Variants in CHRM3 observed in about 807,000 individuals in gnomAD.
CHRM3 encodes muscarinic acetylcholine receptor M3.
CHRM3 carries 11 observed loss-of-function variants against 41.8 expected under a neutral mutation model. That is an observed-to-expected ratio of 0.26 (90% confidence interval 0.17 to 0.44). CHRM3 has a LOEUF of 0.44. Ranked by LOEUF, CHRM3 falls within the 20% of genes least tolerant of loss-of-function variation. CHRM3 has a pLI of 1.00. For synonymous variants in CHRM3, 297 were observed against 301.4 expected (o/e 0.99, Z 0.15); for missense variants, 571 against 745.4 (o/e 0.77, Z 2.72).
intron 4 of CHRM3, among the ~76,000 whole-genome samples, chr1:239,673,657 CT>C (rs537700962): frequency 1.3e-5 from 2 of 151,864 alleles, no homozygotes; most frequent in East Asian, 1.9e-4. Context: ...CAACTAATTT[CT>C]TTTTTTTCTG....
chr1:239,397,196 C>T (rs1226641760), intron 1 of CHRM3, among the ~76,000 whole-genome samples: 1 of 152,106 alleles, frequency 6.6e-6, no homozygotes, highest in African/African-American at 2.4e-5. Context: ...TATTTGATGA[C>T]GTGAACTCTC....
intron 4 of CHRM3, among the ~76,000 whole-genome samples, chr1:239,641,918 C>T (rs1234766379): frequency 1.6e-5 from 2 of 127,406 alleles, no homozygotes; most frequent in African/African-American, 6.3e-5. Context: ...TGTTCCTTTC[C>T]GTGTTTAGTG....
intron 3 of CHRM3, among the ~76,000 whole-genome samples, chr1:239,598,596 C>T (rs555196557): frequency 1.5e-4 from 23 of 152,132 alleles, no homozygotes; most frequent in South Asian, 8.3e-4. Flanking sequence ...GGTTTGAAAA[C>T]GAGTCCCAGA....
At chr1:239,640,311 T>C (rs747888749) in intron 4 of CHRM3, among the ~76,000 whole-genome samples, 1 of 152,210 alleles carries the variant, frequency 6.6e-6, no homozygotes, top group Non-Finnish European at 1.5e-5. Flanking sequence ...TCTCTTTTTC[T>C]ATTGATTGGA....
At chr1:239,778,368 T>A (rs1272256978) in intron 5 of CHRM3, among the ~76,000 whole-genome samples, 1 of 152,190 alleles carries the variant, frequency 6.6e-6, no homozygotes, top group African/African-American at 2.4e-5. Context: ...ATTACTGTTA[T>A]ACGTCTTAAA....
intron 1 of CHRM3, among the ~76,000 whole-genome samples, chr1:239,464,174 G>A (rs1045809247): frequency 6.6e-6 from 1 of 151,736 alleles, no homozygotes; most frequent in African/African-American, 2.4e-5. Context: ...CAGCTACTTG[G>A]GAGGCTGAGG....
At chr1:239,435,860 A>G (rs1663221432) in intron 1 of CHRM3, among the ~76,000 whole-genome samples, 1 of 152,150 alleles carries the variant, frequency 6.6e-6, no homozygotes. Flanking sequence ...AGGCAATGTT[A>G]GGAGGATCAC....
At chr1:239,445,828 G>T (rs1397807771) in intron 1 of CHRM3, among the ~76,000 whole-genome samples, 1 of 152,140 alleles carries the variant, frequency 6.6e-6, no homozygotes, top group African/African-American at 2.4e-5. Context: ...AAAAGACATA[G>T]AATTTGCCAT....
At chr1:239,549,602 A>C (rs528871004) in intron 3 of CHRM3, among the ~76,000 whole-genome samples, 1 of 151,174 alleles carries the variant, frequency 6.6e-6, no homozygotes, top group Admixed American at 6.6e-5. Context: ...TGGAGGTTGC[A>C]GCAAGTTGAG....
intron 5 of CHRM3, among the ~76,000 whole-genome samples, chr1:239,804,918 A>G (rs932795974): frequency 2.0e-5 from 3 of 152,058 alleles, no homozygotes; most frequent in African/African-American, 7.2e-5. Context: ...ACTTCCTGGT[A>G]TTACTATTTC....
At chr1:239,547,937 A>C (rs1447314744) in intron 3 of CHRM3, among the ~76,000 whole-genome samples, 2 of 152,292 alleles carry the variant, frequency 1.3e-5, no homozygotes, top group African/African-American at 4.8e-5. Flanking sequence ...TGTTTAATTT[A>C]TTTTGAATTT....
At chr1:239,687,308 G>A (rs1571985265) in intron 5 of CHRM3, among the ~76,000 whole-genome samples, 1 of 151,924 alleles carries the variant, frequency 6.6e-6, no homozygotes, top group Non-Finnish European at 1.5e-5. Flanking sequence ...TGTAACTCTG[G>A]TGGTGGTTCA....
rs184249810 is a variant in CHRM3 at position 239,448,405 on chromosome 1, A to G, written c.-520-44304A>G. Among the ~76,000 whole-genome samples, 44 of 152,294 alleles carry G rather than the reference A, an allele frequency of 2.9e-4. No individual in the cohort carries two copies. In the East Asian group the frequency reaches 3.7e-3, roughly 13 times the overall value. On this transcript the variant is annotated intron_variant, in intron 1 of 6. Coordinates refer to ENST00000676153, the MANE Select transcript of CHRM3 (RefSeq NM_001375978.1). ...ATATAAAGTAGCATGTGCATATTAA[A>G]TTATTAATATATTAGGTTGGAGTCT...
At chr1:239,900,440 G>C (rs1291404525) in intron 6 of CHRM3, among the ~76,000 whole-genome samples, 1 of 141,202 alleles carries the variant, frequency 7.1e-6, no homozygotes, top group African/African-American at 2.6e-5. Context: ...TTGTCATCCT[G>C]GGTACCGATA....
chr1:239,404,729 T>TATATATATATATATATATATATATA (rs1660450517), intron 1 of CHRM3, among the ~76,000 whole-genome samples: 3 of 110,568 alleles, frequency 2.7e-5, no homozygotes, highest in African/African-American at 1.5e-4. Context: ...AATATATATA[T>TATATATATATATATATATATATATA]ATATATATAT....
intron 2 of CHRM3, among the ~76,000 whole-genome samples, chr1:239,532,631 A>C (rs970643322): frequency 6.6e-6 from 1 of 151,860 alleles, no homozygotes; most frequent in Non-Finnish European, 1.5e-5. Flanking sequence ...TCAAAAAAAA[A>C]AAAAAAAGAT....
intron 5 of CHRM3, among the ~76,000 whole-genome samples, chr1:239,682,343 GTACA>G (rs1430273642): frequency 6.6e-6 from 1 of 152,098 alleles, no homozygotes; most frequent in African/African-American, 2.4e-5. Flanking sequence ...TGTTAGAGTT[GTACA>G]TTAGTACAGG....
At chr1:239,848,291 G>A (rs1674435249) in intron 6 of CHRM3, among the ~76,000 whole-genome samples, 1 of 152,084 alleles carries the variant, frequency 6.6e-6, no homozygotes, top group African/African-American at 2.4e-5. Context: ...AAATTATTCT[G>A]GAAATGTGTT....
At chr1:239,471,348 G>A (rs1666107229) in intron 1 of CHRM3, among the ~76,000 whole-genome samples, 2 of 152,172 alleles carry the variant, frequency 1.3e-5, no homozygotes, top group South Asian at 4.1e-4. Flanking sequence ...GCAATTGACA[G>A]AGTAAAGACG....
Sources: gnomAD v4.1 joint callset for allele counts (sites outside exome capture counted in the v4.1 genomes callset) on GRCh38, gnomAD v4.1.1 for gene constraint, MANE v1.5 for transcripts, NCBI Gene and HGNC (gene_info 2026-07-23, HGNC 2026-07-21) for gene names.